RAPGEF6: variants seen among roughly 807,000 people sequenced by gnomAD.
RAPGEF6 encodes the protein Rap guanine nucleotide exchange factor 6, also known as PDZ domain containing guanine nucleotide exchange factor (GEF) 2.
RAPGEF6 carries 56 observed loss-of-function variants against 171.4 expected under a neutral mutation model. The ratio of observed to expected loss-of-function variants is 0.33; its 90% CI spans 0.26 to 0.41. The LOEUF (loss-of-function observed/expected upper bound fraction) is 0.41, where lower values mean the gene tolerates loss of function less well. Among genes scored for constraint, RAPGEF6 ranks in the 10% least tolerant of loss-of-function variants. RAPGEF6 has a pLI of 1.00. For synonymous variants in RAPGEF6, 692 were observed against 650.1 expected (o/e 1.06, Z -0.98); for missense variants, 1,674 against 1,921.4 (o/e 0.87, Z 2.41).
intron 23 of RAPGEF6, 117 bp downstream of exon 23, chr5:131,442,232 A>T (rs2149813851): frequency 1.0e-6 from 1 of 970,344 alleles, no homozygotes. Flanking sequence ...TCATAAAGTG[A>T]CGATTATATT....
At chr5:131,433,306 C>T (rs1434399801) in intron 25 of RAPGEF6, 124 bp downstream of exon 25, 2 of 740,270 alleles carry the variant, frequency 2.7e-6, no homozygotes, top group African/African-American at 3.5e-5. Context: ...GCTTGGCCCA[C>T]ATATTCTTTT....
intron 27 of RAPGEF6, 82 bp downstream of exon 27, chr5:131,428,820 T>C: frequency 7.3e-7 from 1 of 1,363,538 alleles, no homozygotes; most frequent in Non-Finnish European, 1.0e-6. Flanking sequence ...CAATTACTAA[T>C]TACCATAAAA....
At chr5:131,484,095 C>CA (rs757936744) in intron 15 of RAPGEF6, among the ~76,000 whole-genome samples, 1,019 of 41,570 alleles carry the variant, frequency 0.025, 17 homozygotes, top group East Asian at 0.12. Flanking sequence ...GACTCCATCT[C>CA]AAAAAAAAAA....
intron 4 of RAPGEF6, among the ~76,000 whole-genome samples, chr5:131,589,777 C>T (rs1197483106): frequency 6.6e-6 from 1 of 152,202 alleles, no homozygotes; most frequent in Non-Finnish European, 1.5e-5. Flanking sequence ...GCTTCTGTTT[C>T]CTGTCCCCAG....
intron 19 of RAPGEF6, among the ~76,000 whole-genome samples, chr5:131,461,117 C>T (rs575790530): frequency 3.4e-4 from 52 of 152,272 alleles, no homozygotes; most frequent in African/African-American, 1.0e-3. Context: ...GGAGAGCTCA[C>T]GTAATTATCT....
intron 24 of RAPGEF6, among the ~76,000 whole-genome samples, chr5:131,437,487 G>A (rs895702452): frequency 6.6e-6 from 1 of 152,190 alleles, no homozygotes; most frequent in African/African-American, 2.4e-5. Flanking sequence ...AGGAGCATAT[G>A]GATACTGTTC....
chr5:131,595,074 G>C (rs1294375160), intron 3 of RAPGEF6, among the ~76,000 whole-genome samples: 1 of 152,110 alleles, frequency 6.6e-6, no homozygotes, highest in Non-Finnish European at 1.5e-5. Context: ...CATGAGATTT[G>C]GGAGGGGCCA....
intron 1 of RAPGEF6, among the ~76,000 whole-genome samples, chr5:131,605,947 G>C (rs907311669): frequency 6.7e-6 from 1 of 148,478 alleles, no homozygotes. Flanking sequence ...GGAGAATGGC[G>C]TGAACCCGGC....
intron 16 of RAPGEF6, among the ~76,000 whole-genome samples, chr5:131,477,532 G>A (rs527737460): frequency 6.6e-6 from 1 of 152,240 alleles, no homozygotes; most frequent in South Asian, 2.1e-4. Flanking sequence ...TCAACTGACT[G>A]TTCCTGGCGA....
intron 4 of RAPGEF6, among the ~76,000 whole-genome samples, chr5:131,585,595 G>T (rs1411863285): frequency 6.6e-6 from 1 of 152,328 alleles, no homozygotes; most frequent in South Asian, 2.1e-4. Context: ...GGAGGCCGAG[G>T]TGGATGGATC....
rs570657138 is a variant in RAPGEF6, at chr5:131,431,356, T to C, written c.3975-7A>G. 30 of 1,581,208 alleles carry C rather than the reference T, an allele frequency of 1.9e-5. No individual in the cohort carries two copies. The African/African-American group carries it at 3.4e-4, about 18-fold the overall frequency. On this transcript the variant is annotated splice_polypyrimidine_tract_variant and splice_region_variant and intron_variant, in intron 25 of 27. Coordinates refer to ENST00000509018, the MANE Select transcript of RAPGEF6 (RefSeq NM_016340.6). ...TGGCTTCAAGAGTGTCCACCTAAAA[T>C]TGGAGATAACGTACAATTAGAAGGC...
At chr5:131,592,267 T>C (rs1360304778) in intron 4 of RAPGEF6, 116 bp downstream of exon 4, 7 of 1,456,376 alleles carry the variant, frequency 4.8e-6, no homozygotes, top group Non-Finnish European at 5.5e-6. Context: ...GTATTTCCAA[T>C]GGTGCCAACA....
intron 17 of RAPGEF6, among the ~76,000 whole-genome samples, chr5:131,470,769 G>A (rs1754684841): frequency 6.6e-6 from 1 of 152,178 alleles, no homozygotes; most frequent in Admixed American, 6.6e-5. Context: ...TTTCCCAGAT[G>A]AGGTAACACT....
chr5:131,566,571 G>A (rs765866070), intron 4 of RAPGEF6, among the ~76,000 whole-genome samples: 6 of 152,094 alleles, frequency 3.9e-5, no homozygotes, highest in Non-Finnish European at 8.8e-5. Context: ...AGTATTGGTA[G>A]CAGTAATACT....
chr5:131,546,559 G>C lies in RAPGEF6; in HGVS notation c.495+1488C>G, dbSNP rs566509898. Among the ~76,000 whole-genome samples the C allele has an allele frequency of 1.3e-4, 19 of 151,668 alleles. No homozygotes were observed. The South Asian group carries it at 3.7e-3, about 30-fold the overall frequency. On this transcript the variant is annotated intron_variant, in intron 6 of 27. Transcript: ENST00000509018. ...GCAGAGGTTGCAGTAAGCTGAGATC[G>C]TGCCACTGCACTCCAGCCTGGGCAA... is the stretch of plus-strand genomic sequence containing the variant.
intron 20 of RAPGEF6, among the ~76,000 whole-genome samples, chr5:131,453,852 A>G (rs1454627370): frequency 2.0e-5 from 3 of 152,226 alleles, no homozygotes; most frequent in African/African-American, 7.2e-5. Context: ...AATACTCTCA[A>G]GTTATATAAA....
At chr5:131,628,996 T>C (rs778885149) in intron 1 of RAPGEF6, among the ~76,000 whole-genome samples, 50 of 152,316 alleles carry the variant, frequency 3.3e-4, no homozygotes, top group Admixed American at 4.6e-4. Context: ...TAGTGATTTT[T>C]TTCAGGCCTG....
intron 6 of RAPGEF6, among the ~76,000 whole-genome samples, chr5:131,527,179 G>A (rs1306907948): frequency 6.6e-6 from 1 of 151,980 alleles, no homozygotes; most frequent in Admixed American, 6.6e-5. Context: ...GCAACTTTTG[G>A]GGCAACTGCC....
At chr5:131,443,376 C>T (rs1318816196) in intron 22 of RAPGEF6, among the ~76,000 whole-genome samples, 1 of 152,184 alleles carries the variant, frequency 6.6e-6, no homozygotes, top group Non-Finnish European at 1.5e-5. Flanking sequence ...CCTCATCCAG[C>T]CCTAAATAAT....
Sources: allele counts gnomAD v4.1 joint callset (sites outside exome capture counted in the v4.1 genomes callset), GRCh38; gene constraint gnomAD v4.1.1; transcripts MANE v1.5; gene names NCBI Gene and HGNC (gene_info 2026-07-23, HGNC 2026-07-21).